Variants in ADCY6 observed in about 807,000 individuals in gnomAD.
The protein encoded by ADCY6 is adenylate cyclase type 6.
A neutral mutation model predicts 111.6 loss-of-function variants in ADCY6; 59 were observed. That is an observed-to-expected ratio of 0.53 (90% CI 0.43 to 0.66). The LOEUF (loss-of-function observed/expected upper bound fraction) is 0.66, where lower values mean the gene tolerates loss of function less well. ADCY6 is among the 30% of genes least tolerant of loss of function. The pLI is 0.00. For synonymous variants in ADCY6, 576 were observed against 642.9 expected (o/e 0.90, Z 1.57); for missense variants, 1,242 against 1,595.6 (o/e 0.78, Z 3.78).
At position 48,788,887 on chromosome 12, in the gene ADCY6, T is replaced by A. The variant is rs933712097; in HGVS notation, c.-5+19A>T. On this transcript the variant is annotated intron_variant, in intron 1 of 21. Coordinates refer to ENST00000357869, the MANE Select transcript of ADCY6 (RefSeq NM_015270.5). ...CGGGAGCCCGAGCGGCCACTTCCCC[T>A]AGCCCTCAGCGCGCTCACCTGCCGG... 1.3e-5 allele frequency: 2 copies of A among 150,790 alleles called. No homozygotes were observed. Among genetic ancestry groups the A allele is most frequent in the African/African-American group, 4.9e-5 (2 of 41,082 alleles). 9.3% of individuals were successfully genotyped at this position (150,790 alleles called of 1,614,324 possible).
Position 48,776,352 on chromosome 12 carries a change from T to G in ADCY6, c.1536-2A>C. 1 of 1,614,208 alleles carries G rather than the reference T, an allele frequency of 6.2e-7. No homozygotes were observed. The highest frequency in any genetic ancestry group is 8.5e-7 in the Non-Finnish European group (1 of 1,180,012). On this transcript the variant is annotated splice_acceptor_variant, in intron 7 of 21. Coordinates refer to ENST00000357869, the MANE Select transcript of ADCY6 (RefSeq NM_015270.5). LOFTEE classifies it high-confidence loss of function. The surrounding 1 kb of genome is among the most constrained non-coding windows in gnomAD (Gnocchi z 6.1). ...GTTGCCCGAGTGATGTGGATGCGGC[T>G]GTATGTGGCCAAGAGGGTGAGACCC...
Position 48,775,344 on chromosome 12 carries a change from G to A in ADCY6, c.1939C>T (p.Arg647Trp), listed in dbSNP as rs186650360. Residue 647 changes from arginine (R) to tryptophan (W), a missense_variant, in exon 11 of 22, where the codon CGG becomes TGG. Physicochemically the swap from Arg to Trp is moderately radical, Grantham distance 101 (BLOSUM62 -3). This residue lies in a region of ADCY6 where 375 missense variants were observed against 432.5 expected (regional missense o/e 0.87). Coordinates refer to ENST00000357869, the MANE Select transcript of ADCY6 (RefSeq NM_015270.5). ...IDQLRKDHVR[R>W]FLLTFQREDL... ...TCTCTCTGGAAGGTGAGCAGAAACCGGCGCACATGGTCCTTCCGCAGCTGA... is the reference window on the plus strand; with the variant it reads ...TCTCTCTGGAAGGTGAGCAGAAACCAGCGCACATGGTCCTTCCGCAGCTGA... The A allele has an allele frequency of 2.4e-5, 38 of 1,614,008 alleles. No individual in the cohort carries two copies. The highest frequency in any genetic ancestry group is 7.7e-5 in the South Asian group (7 of 91,070).
chr12:48,783,498 A>C, intron 1 of ADCY6, 60 bp from the exon 2 acceptor site: 2 of 1,605,344 alleles, frequency 1.2e-6, no homozygotes, highest in Non-Finnish European at 1.7e-6. Context: ...TATTAATACC[A>C]CCATCACAGC....
At chr12:48,781,415 G>A (rs1200824461) in intron 2 of ADCY6, among the ~76,000 whole-genome samples, 1 of 152,194 alleles carries the variant, frequency 6.6e-6, no homozygotes, top group East Asian at 1.9e-4. Flanking sequence ...GAGGACCCAG[G>A]CGCTGTGCTG....
Position 48,771,296 on chromosome 12 carries a change from AG to A in ADCY6, c.3052-327del. The A allele has an allele frequency of 2.1e-6, 1 of 483,662 alleles. No homozygotes were observed. The highest frequency in any genetic ancestry group is 3.8e-6 in the Non-Finnish European group (1 of 264,448). The allele number at this position is 483,662 out of a possible 1,614,324, so 30.0% of individuals were successfully genotyped here. ...CAGAGTGAGCAAGTGACTTCCCTCC[AG>A]AACAGTGAACAGCCCATTCCTGATC... On this transcript the variant is annotated intron_variant, in intron 19 of 21. Transcript: ENST00000357869. This position sits in a 1 kb window ranked among gnomAD's most constrained non-coding sequence, Gnocchi z 4.3.
intron 9 of ADCY6, 37 bp from the exon 10 acceptor site, chr12:48,775,735 G>A: frequency 6.2e-7 from 1 of 1,605,084 alleles, no homozygotes; most frequent in East Asian, 2.2e-5. Context: ...GAGGTGAAGG[G>A]CCAACAACCT....
At position 48,789,015 on chromosome 12, in the gene ADCY6, T is replaced by TCCCG. The variant is rs1362472334; in HGVS notation, c.-118_-115dup. On this transcript the variant is annotated 5_prime_UTR_variant, in exon 1 of 22. Transcript: ENST00000357869. ...CCTCCGAGCCCGCGCGTCCTGGCCG[T>TCCCG]CCCGCCCGCCGTCCGCCGTCCGCCG... 5 of 136,876 alleles carry TCCCG rather than the reference T, an allele frequency of 3.7e-5. No homozygotes were observed. The highest frequency in any genetic ancestry group is 6.2e-5 in the Non-Finnish European group (4 of 64,210). The allele number at this position is 136,876 out of a possible 1,614,324, so 8.5% of individuals were successfully genotyped here. A position where few individuals can be genotyped will look rare whatever the true frequency, so the allele number is the denominator to read the frequency against.
chr12:48,773,174 C>T (rs1178344296), intron 16 of ADCY6, among the ~76,000 whole-genome samples: 1 of 152,126 alleles, frequency 6.6e-6, no homozygotes, highest in African/African-American at 2.4e-5. Flanking sequence ...CACCAAGCAG[C>T]TGTATGTCCT....
Position 48,776,257 on chromosome 12 carries a change from C to T in ADCY6, c.1629G>A (p.Lys543=). 2 of 1,614,250 alleles carry T rather than the reference C, an allele frequency of 1.2e-6. No homozygotes were observed. Among genetic ancestry groups the T allele is most frequent in the Middle Eastern group, 1.6e-4 (1 of 6,062 alleles). Residue 543 remains lysine (K), a synonymous_variant, in exon 8 of 22, where the codon AAG becomes AAA. Coordinates refer to ENST00000357869, the MANE Select transcript of ADCY6 (RefSeq NM_015270.5). The surrounding 1 kb of genome is among the most constrained non-coding windows in gnomAD (Gnocchi z 6.1). The part of the protein sequence containing the change: ...GRGGERNAYL[K]EQHIETFLIL... ...TGAGGAAAGTCTCAATGTGCTGCTC[C>T]TTGAGGTACGCGTTGCGCTCGCCAC...
rs746195042 is a variant in ADCY6, at chr12:48,783,127, G to A, written c.308C>T (p.Thr103Met). 12 of 1,608,718 alleles carry A rather than the reference G, an allele frequency of 7.5e-6. No individual in the cohort carries two copies. The highest frequency in any genetic ancestry group is 6.7e-5 in the Admixed American group (4 of 59,942). ...DTEVTTTAGG[T>M]AEVAPDAVPR... ...CACCGCGTCGGGCGCCACCTCAGCCGTCCCGCCCGCTGTCGTTGTCACCTC... is the reference window on the plus strand; with the variant it reads ...CACCGCGTCGGGCGCCACCTCAGCCATCCCGCCCGCTGTCGTTGTCACCTC... The change falls in exon 2 of 22, where the codon ACG (threonine) becomes ATG (methionine). Residue 103 changes from threonine to methionine, a missense_variant. Coordinates refer to ENST00000357869, the MANE Select transcript of ADCY6 (RefSeq NM_015270.5).
chr12:48,778,641 C>G (rs1941768703), intron 2 of ADCY6, among the ~76,000 whole-genome samples: 1 of 152,192 alleles, frequency 6.6e-6, no homozygotes, highest in Non-Finnish European at 1.5e-5. Context: ...CCCAGGAGAC[C>G]TGAGCTCTAC....
chr12:48,775,277 G>A, intron 11 of ADCY6, 26 bp downstream of exon 11: 1 of 1,613,004 alleles, frequency 6.2e-7, no homozygotes, highest in Non-Finnish European at 8.5e-7. Context: ...CCCAGCCCTT[G>A]TCCTTCTGCC....
chr12:48,788,362 G>A (rs553287918), intron 1 of ADCY6, among the ~76,000 whole-genome samples: 13 of 152,068 alleles, frequency 8.5e-5, no homozygotes, highest in Non-Finnish European at 1.8e-4. Context: ...CCTTTCAGTC[G>A]AGCCCCAGAG....
intron 21 of ADCY6, 85 bp from the exon 22 acceptor site, chr12:48,768,801 G>A: frequency 6.4e-7 from 1 of 1,567,556 alleles, no homozygotes; most frequent in Non-Finnish European, 8.7e-7. Context: ...AGTCAGGCTA[G>A]CTCCCTTCCC....
At chr12:48,786,698 G>A (rs1941985074) in intron 1 of ADCY6, among the ~76,000 whole-genome samples, 1 of 152,108 alleles carries the variant, frequency 6.6e-6, no homozygotes, top group Non-Finnish European at 1.5e-5. Flanking sequence ...AGCACCATCT[G>A]GAAGGACAGA....
Position 48,783,326 on chromosome 12 carries a change from C to T in ADCY6, c.109G>A (p.Gly37Ser). 1 of 1,613,952 alleles carries T rather than the reference C, an allele frequency of 6.2e-7. No individual in the cohort carries two copies. The highest frequency in any genetic ancestry group is 8.5e-7 in the Non-Finnish European group (1 of 1,179,966). ...RSRRRGTRAG[G>S]FCTPRYMSCL... ...CTCATATAGCGGGGCGTGCAGAAGC[C>T]ACCTGCCCGAGTGCCACGGCGCCGC... Residue 37 changes from glycine to serine, a missense_variant, in exon 2 of 22, where the codon GGC becomes AGC. Around this residue, in one of 4 missense-constraint regions of ADCY6, gnomAD observed 362 missense variants for 377.2 expected, o/e 0.96. Transcript: ENST00000357869.
intron 2 of ADCY6, 164 bp from the exon 3 acceptor site, chr12:48,778,421 T>C (rs1592161676): frequency 5.3e-6 from 4 of 751,778 alleles, no homozygotes; most frequent in East Asian, 5.5e-5. Flanking sequence ...ATCTCTCCCA[T>C]TACCCACAGG....
chr12:48,776,636 A>C lies in ADCY6; in HGVS notation c.1377-50T>G. 10 of 1,566,816 alleles carry C rather than the reference A, an allele frequency of 6.4e-6. No homozygotes were observed. Among genetic ancestry groups the C allele is most frequent in the Non-Finnish European group, 7.8e-6 (9 of 1,160,324 alleles). ...GCTCCTGGCAGTCTTCCCCTCCCCC[A>C]GCCCACAACCCAGGCCCTTCACTCC... is the stretch of plus-strand genomic sequence containing the variant. On this transcript the variant is annotated intron_variant, in intron 6 of 21. Transcript: ENST00000357869. The surrounding 1 kb of genome is among the most constrained non-coding windows in gnomAD (Gnocchi z 6.1).
Position 48,770,776 on chromosome 12 carries a change from C to G in ADCY6, c.3246G>C (p.Gln1082His). Residue 1082 changes from glutamine to histidine, a missense_variant, in exon 20 of 22, where the codon CAG (glutamine) becomes CAC (histidine). This residue lies in a region of ADCY6 where 245 missense variants were observed against 371.3 expected (regional missense o/e 0.66). Transcript: ENST00000357869. Reference sequence around the variant, plus strand: ...ACAAAGCCCTCTTACCAATCTTCATCTGGAAATTGTTGAAGGAGTGCTCAT... The same window carrying G: ...ACAAAGCCCTCTTACCAATCTTCATGTGGAAATTGTTGAAGGAGTGCTCAT... ...HINEHSFNNF[Q>H]MKIGLNMGPV... 6.2e-7 allele frequency: 1 copy of G among 1,614,040 alleles called. No individual in the cohort carries two copies. Among genetic ancestry groups the G allele is most frequent in the Non-Finnish European group, 8.5e-7 (1 of 1,179,958 alleles).
Sources: allele counts gnomAD v4.1 joint callset (sites outside exome capture counted in the v4.1 genomes callset), GRCh38; gene constraint gnomAD v4.1.1; regional missense constraint gnomAD v4.1.1; non-coding constraint Gnocchi (gnomAD v3.1); transcripts MANE v1.5; gene names NCBI Gene and HGNC (gene_info 2026-07-23, HGNC 2026-07-21).